The following PIK3R3 variants were observed in gnomAD, a reference collection of about 807,000 sequenced individuals.
The protein encoded by PIK3R3 is phosphoinositide-3-kinase regulatory subunit 3, also known as phosphatidylinositol 3-kinase regulatory subunit gamma.
In PIK3R3, 64 loss-of-function variants were observed where a neutral mutation model predicts 62.9. That is an observed-to-expected ratio of 1.02 (90% CI 0.83 to 1.25). The LOEUF (loss-of-function observed/expected upper bound fraction) is 1.25, where lower values mean the gene tolerates loss of function less well. PIK3R3 is among the 50% of genes most tolerant of loss of function. The pLI is 0.00. For missense variants in PIK3R3, 614 were observed against 561.6 expected (o/e 1.09, Z -0.94); for synonymous variants, 165 against 189.0 (o/e 0.87, Z 1.04).
the PIK3R3 span, among the ~76,000 whole-genome samples, chr1:46,165,751 CTTTTTTTTTTTTTTTTTTTT>C: frequency 5.1e-4 from 20 of 39,540 alleles, no homozygotes; most frequent in Admixed American, 8.6e-4. Flanking sequence ...CTGCTTTGTC[CTTTTTTTTTTTTTTTTTTTT>C]TTTTTTTTTT....
intron 1 of PIK3R3, among the ~76,000 whole-genome samples, chr1:46,103,995 A>C (rs1652956036): frequency 6.7e-6 from 1 of 149,814 alleles, no homozygotes; most frequent in South Asian, 2.1e-4. Flanking sequence ...ACGTGATCTC[A>C]GCTCACTGCA....
At chr1:46,068,880 G>C (rs1649244672) in intron 3 of PIK3R3, among the ~76,000 whole-genome samples, 1 of 152,154 alleles carries the variant, frequency 6.6e-6, no homozygotes, top group African/African-American at 2.4e-5. Context: ...AAGGTTTTCA[G>C]TAGAATCATA....
intron 1 of PIK3R3, among the ~76,000 whole-genome samples, chr1:46,126,691 A>G (rs936876209): frequency 2.6e-5 from 4 of 152,012 alleles, no homozygotes; most frequent in African/African-American, 9.7e-5. Context: ...ATGGTGGCGC[A>G]GAGGGATGCT....
the PIK3R3 span, among the ~76,000 whole-genome samples, chr1:46,174,514 G>A: frequency 6.6e-6 from 1 of 152,268 alleles, no homozygotes; most frequent in East Asian, 1.9e-4. Flanking sequence ...GGCCACCAAA[G>A]GTCTCAGGGT....
chr1:46,116,059 A>G (rs1654159572), intron 1 of PIK3R3, among the ~76,000 whole-genome samples: 1 of 152,248 alleles, frequency 6.6e-6, no homozygotes, highest in Non-Finnish European at 1.5e-5. Context: ...GATTTTAAGT[A>G]GTATTGTAGT....
the PIK3R3 span, among the ~76,000 whole-genome samples, chr1:46,172,530 AAAT>A: frequency 1.3e-5 from 2 of 152,152 alleles, no homozygotes; most frequent in African/African-American, 4.8e-5. Flanking sequence ...TCTACAAAAA[AAAT>A]GTTTTAATTA....
At chr1:46,089,559 T>C (rs1252666527) in intron 1 of PIK3R3, among the ~76,000 whole-genome samples, 1 of 151,590 alleles carries the variant, frequency 6.6e-6, no homozygotes, top group East Asian at 1.9e-4. Context: ...ACTAAAAATG[T>C]AAAAAATTAG....
chr1:46,140,299 C>G, the PIK3R3 span, among the ~76,000 whole-genome samples: 4 of 152,136 alleles, frequency 2.6e-5, no homozygotes, highest in Admixed American at 2.6e-4. Flanking sequence ...TGTCCCCTCT[C>G]TGAAATCTTT....
intron 1 of PIK3R3, among the ~76,000 whole-genome samples, chr1:46,085,333 G>A (rs569330317): frequency 2.0e-5 from 3 of 152,190 alleles, no homozygotes; most frequent in African/African-American, 7.2e-5. Context: ...ACATAACAAT[G>A]AACTAGATTA....
intron 7 of PIK3R3, among the ~76,000 whole-genome samples, chr1:46,047,343 CAGG>C (rs1442173523): frequency 6.7e-6 from 1 of 150,224 alleles, no homozygotes; most frequent in African/African-American, 2.5e-5. Flanking sequence ...GAGGCTGAGG[CAGG>C]AGAATTGCTT....
At chr1:46,083,062 AG>A (rs1650752536) in intron 1 of PIK3R3, among the ~76,000 whole-genome samples, 1 of 152,204 alleles carries the variant, frequency 6.6e-6, no homozygotes, top group African/African-American at 2.4e-5. Flanking sequence ...CTGGAGACAG[AG>A]TGAGATTTTG....
the PIK3R3 span, among the ~76,000 whole-genome samples, chr1:46,148,115 G>A: frequency 6.6e-5 from 10 of 152,292 alleles, no homozygotes; most frequent in East Asian, 1.9e-3. Flanking sequence ...TCTTCTCATG[G>A]CCTGTGCTTA....
chr1:46,131,825 T>TC (rs756777194), intron 1 of PIK3R3, 22 bp downstream of exon 1: 10 of 769,938 alleles, frequency 1.3e-5, no homozygotes, highest in Non-Finnish European at 3.6e-6. Context: ...CACGAGATTC[T>TC]TTTTTTTTTT....
chr1:46,139,288 C>T, the PIK3R3 span, among the ~76,000 whole-genome samples: 1 of 152,006 alleles, frequency 6.6e-6, no homozygotes, highest in Non-Finnish European at 1.5e-5. Flanking sequence ...AACACTTTTG[C>T]TGACCCACGT....
At chr1:46,103,295 T>C (rs1652885295) in intron 1 of PIK3R3, among the ~76,000 whole-genome samples, 1 of 152,152 alleles carries the variant, frequency 6.6e-6, no homozygotes, top group Non-Finnish European at 1.5e-5. Flanking sequence ...ATGGTTATGA[T>C]GGGCCAGGCA....
the PIK3R3 span, among the ~76,000 whole-genome samples, chr1:46,139,302 T>G: frequency 1.4e-4 from 21 of 151,522 alleles, no homozygotes; most frequent in African/African-American, 4.4e-4. Context: ...CCCACGTGCT[T>G]CTTTTTTTTT....
chr1:46,110,754 T>C (rs79929484), intron 1 of PIK3R3, among the ~76,000 whole-genome samples: 5,018 of 151,976 alleles, frequency 0.033, 282 homozygotes, highest in African/African-American at 0.11. Context: ...AGGCTTACCA[T>C]AGAGAGGAAG....
intron 1 of PIK3R3, among the ~76,000 whole-genome samples, chr1:46,090,258 G>C (rs1651487991): frequency 6.6e-6 from 1 of 152,112 alleles, no homozygotes; most frequent in South Asian, 2.1e-4. Flanking sequence ...AGGCTAGTGA[G>C]AGCTGATTGT....
chr1:46,091,288 G>A (rs1651608761), intron 1 of PIK3R3, among the ~76,000 whole-genome samples: 1 of 151,842 alleles, frequency 6.6e-6, no homozygotes. Context: ...CTATAGGCAC[G>A]TGCTATCACG....
Sources: allele counts gnomAD v4.1 joint callset (sites outside exome capture counted in the v4.1 genomes callset), GRCh38; gene constraint gnomAD v4.1.1; transcripts MANE v1.5; gene names NCBI Gene and HGNC (gene_info 2026-07-23, HGNC 2026-07-21).